The following TNFAIP8 variants were observed in gnomAD, a reference collection of about 807,000 sequenced individuals.
TNFAIP8 encodes the protein tumor necrosis factor alpha-induced protein 8.
TNFAIP8 carries 7 observed loss-of-function variants against 13.3 expected under a neutral mutation model. The observed-to-expected ratio is 0.52, with a 90% CI of 0.30 to 0.99. The LOEUF is 0.99. Ranked by LOEUF, TNFAIP8 falls within the 50% of genes least tolerant of loss-of-function variation. The pLI, the probability that TNFAIP8 is intolerant of heterozygous loss-of-function variation, is 0.07. For missense variants in TNFAIP8, 258 were observed against 236.9 expected, an observed-to-expected ratio of 1.09 and a Z score of -0.58; for synonymous variants, 94 against 87.6, an observed-to-expected ratio of 1.07 and a Z score of -0.41.
intron 1 of TNFAIP8, among the ~76,000 whole-genome samples, chr5:119,324,415 C>T (rs1750156524): frequency 6.7e-6 from 1 of 149,914 alleles, no homozygotes; most frequent in Non-Finnish European, 1.5e-5. Flanking sequence ...CTATCTTTAA[C>T]TTCTTCGTGC....
intron 1 of TNFAIP8, among the ~76,000 whole-genome samples, chr5:119,337,080 T>C (rs1217494600): frequency 6.6e-6 from 1 of 152,220 alleles, no homozygotes; most frequent in African/African-American, 2.4e-5. Flanking sequence ...ATCGGCATTG[T>C]CTCCTGTTTA....
chr5:119,299,333 C>G (rs917861714), intron 1 of TNFAIP8, among the ~76,000 whole-genome samples: 1 of 152,190 alleles, frequency 6.6e-6, no homozygotes, highest in East Asian at 1.9e-4. Flanking sequence ...ACAGTCAGGA[C>G]CCTCAGCTGC....
chr5:119,348,706 C>T (rs1006791046), intron 1 of TNFAIP8, among the ~76,000 whole-genome samples: 6 of 151,944 alleles, frequency 3.9e-5, no homozygotes, highest in Admixed American at 6.6e-5. Flanking sequence ...CATGGTGAAA[C>T]CTTGTCTCTA....
intron 1 of TNFAIP8, chr5:119,306,375 A>G (rs759555977): frequency 1.5e-5 from 2 of 134,684 alleles, no homozygotes; most frequent in Non-Finnish European, 3.0e-5. Flanking sequence ...CCCAAACTGG[A>G]GAGCAGTGGC....
At chr5:119,307,486 T>C (rs1749601063) in intron 1 of TNFAIP8, among the ~76,000 whole-genome samples, 1 of 152,190 alleles carries the variant, frequency 6.6e-6, no homozygotes, top group Non-Finnish European at 1.5e-5. Context: ...AACACACAAA[T>C]GAGCAGCTTC....
At chr5:119,361,631 T>A (rs1373677011) in intron 1 of TNFAIP8, among the ~76,000 whole-genome samples, 2 of 152,212 alleles carry the variant, frequency 1.3e-5, no homozygotes, top group Non-Finnish European at 2.9e-5. Context: ...GCCTGAAGCC[T>A]CCAGACCACA....
intron 1 of TNFAIP8, among the ~76,000 whole-genome samples, chr5:119,269,980 A>G (rs1748229025): frequency 6.6e-6 from 1 of 152,218 alleles, no homozygotes; most frequent in South Asian, 2.1e-4. Context: ...TCTACATTTC[A>G]GTTTATTCTT....
chr5:119,367,941 G>A (rs1487366963), intron 1 of TNFAIP8, among the ~76,000 whole-genome samples: 1 of 152,110 alleles, frequency 6.6e-6, no homozygotes, highest in Non-Finnish European at 1.5e-5. Flanking sequence ...TGAAATAAGA[G>A]GATATTTGAA....
At chr5:119,356,929 G>C (rs1166690490) in intron 1 of TNFAIP8, among the ~76,000 whole-genome samples, 1 of 152,078 alleles carries the variant, frequency 6.6e-6, no homozygotes, top group African/African-American at 2.4e-5. Flanking sequence ...GGGTGGTTGG[G>C]GAAAATTAGA....
rs1753113555 is a variant in TNFAIP8, at chr5:119,397,981, G to A, written c.*4600G>A. 1.3e-5 allele frequency: 2 copies of A among 152,230 alleles called. No individual in the cohort carries two copies. The highest frequency in any genetic ancestry group is 2.1e-4 in the South Asian group (1 of 4,832). The allele number at this position is 152,230 out of a possible 1,614,324, so 9.4% of individuals were successfully genotyped here. On this transcript the variant is annotated 3_prime_UTR_variant, in exon 2 of 2. Coordinates refer to ENST00000504771, the MANE Select transcript of TNFAIP8 (RefSeq NM_014350.4). Reference sequence around the variant, plus strand: ...ATAGGGAACAAGCGAGTCCCAAATCGTACCATCTGCTGAGCACTGAGAAAG... The same window carrying A: ...ATAGGGAACAAGCGAGTCCCAAATCATACCATCTGCTGAGCACTGAGAAAG...
At chr5:119,349,981 A>G in intron 1 of TNFAIP8, among the ~76,000 whole-genome samples, 1 of 152,246 alleles carries the variant, frequency 6.6e-6, no homozygotes, top group East Asian at 1.9e-4. Context: ...TGGTCTAAAG[A>G]ACATTATTAC....
chr5:119,301,533 T>C (rs1015395375), intron 1 of TNFAIP8, among the ~76,000 whole-genome samples: 2 of 152,156 alleles, frequency 1.3e-5, no homozygotes, highest in African/African-American at 4.8e-5. Flanking sequence ...TGCCATTATT[T>C]ATATGCCATA....
At chr5:119,378,637 G>A (rs78477721) in intron 1 of TNFAIP8, among the ~76,000 whole-genome samples, 1,976 of 152,316 alleles carry the variant, frequency 0.013, 47 homozygotes, top group African/African-American at 0.045. Flanking sequence ...AACATTTGCT[G>A]TAAGGATTGA....
At chr5:119,378,446 A>G (rs979301455) in intron 1 of TNFAIP8, among the ~76,000 whole-genome samples, 2 of 152,228 alleles carry the variant, frequency 1.3e-5, no homozygotes, top group African/African-American at 2.4e-5. Context: ...TCCTGACATT[A>G]ACATGGCTAT....
At position 119,399,028 on chromosome 5, in the gene TNFAIP8, A is replaced by T. The variant is rs1021249815; in HGVS notation, c.*5647A>T. 6.6e-6 allele frequency: 1 copy of T among 152,262 alleles called. No individual in the cohort carries two copies. Among genetic ancestry groups the T allele is most frequent in the Non-Finnish European group, 1.5e-5 (1 of 68,046 alleles). 9.4% of individuals were successfully genotyped at this position (152,262 alleles called of 1,614,324 possible). A position where few individuals can be genotyped will look rare whatever the true frequency, so the allele number is the denominator to read the frequency against. ...TAATCTCCTGGAAGAGGACTTGCTG[A>T]TAATTGGATCAAAGTTCCAGCATTA... On this transcript the variant is annotated 3_prime_UTR_variant, in exon 2 of 2. Transcript: ENST00000504771.
At chr5:119,370,060 T>G (rs1752015184) in intron 1 of TNFAIP8, among the ~76,000 whole-genome samples, 1 of 152,258 alleles carries the variant, frequency 6.6e-6, no homozygotes, top group East Asian at 1.9e-4. Flanking sequence ...GGGAATGTTT[T>G]AGGTAACCCT....
intron 1 of TNFAIP8, among the ~76,000 whole-genome samples, chr5:119,373,768 G>C (rs1208776170): frequency 6.6e-6 from 1 of 152,140 alleles, no homozygotes; most frequent in Non-Finnish European, 1.5e-5. Context: ...ATCATCTTCA[G>C]TCATATCACA....
intron 1 of TNFAIP8, among the ~76,000 whole-genome samples, chr5:119,379,813 A>C (rs1376519691): frequency 6.6e-6 from 1 of 151,976 alleles, no homozygotes; most frequent in Non-Finnish European, 1.5e-5. Flanking sequence ...GGCTGGTCTC[A>C]AACTCCTGAC....
At chr5:119,312,979 C>G (rs763490990) in intron 1 of TNFAIP8, among the ~76,000 whole-genome samples, 1 of 151,894 alleles carries the variant, frequency 6.6e-6, no homozygotes, top group Non-Finnish European at 1.5e-5. Context: ...TAATAAAAAC[C>G]GGGACAAATA....
Sources: gnomAD v4.1 joint callset for allele counts (sites outside exome capture counted in the v4.1 genomes callset) on GRCh38, gnomAD v4.1.1 for gene constraint, MANE v1.5 for transcripts, NCBI Gene and HGNC (gene_info 2026-07-23, HGNC 2026-07-21) for gene names.